Variants in CRTC1 observed in about 807,000 individuals in gnomAD.
CRTC1 encodes the protein CREB-regulated transcription coactivator 1.
A neutral mutation model predicts 66.1 loss-of-function variants in CRTC1; 18 were observed. That is an observed-to-expected ratio of 0.27 (90% CI 0.19 to 0.40). The LOEUF is 0.40. CRTC1 is among the 10% of genes least tolerant of loss of function. The probability of loss-of-function intolerance (pLI) is 1.00; values close to 1 mark genes in which losing one functional copy is unlikely to be tolerated. For missense variants in CRTC1, 669 were observed against 887.9 expected (o/e 0.75, Z 3.13); for synonymous variants, 416 against 398.8 (o/e 1.04, Z -0.51).
At chr19:18,689,398 C>T (rs1443180927) in intron 1 of CRTC1, among the ~76,000 whole-genome samples, 1 of 146,602 alleles carries the variant, frequency 6.8e-6, no homozygotes, top group Admixed American at 6.9e-5. Flanking sequence ...TAACTTGGAT[C>T]AGTGCTTCAT....
At chr19:18,757,899 T>C (rs1311481334) in intron 6 of CRTC1, among the ~76,000 whole-genome samples, 1 of 150,678 alleles carries the variant, frequency 6.6e-6, no homozygotes, top group East Asian at 2.0e-4. Context: ...GTGCCTGTAG[T>C]CCCAGCTACT....
At chr19:18,730,667 A>G (rs1046684269) in intron 1 of CRTC1, among the ~76,000 whole-genome samples, 7 of 151,478 alleles carry the variant, frequency 4.6e-5, no homozygotes, top group African/African-American at 1.5e-4. Flanking sequence ...CCCGCTGCCT[A>G]CCTCATCCTT....
rs1003956786 is a variant in CRTC1, at chr19:18,778,571, G to T, written c.*1189G>T. On this transcript the variant is annotated 3_prime_UTR_variant, in exon 14 of 14. Coordinates refer to ENST00000321949, the MANE Select transcript of CRTC1 (RefSeq NM_015321.3). ...TCAGGAGCTCACGGTAGGCAGAGGT[G>T]CCTCTGCCAGGGCCACAGAACAGAC... 5.2e-5 allele frequency: 12 copies of T among 231,078 alleles called. No homozygotes were observed. Among genetic ancestry groups the T allele is most frequent in the African/African-American group, 2.0e-4 (9 of 45,314 alleles). The allele number at this position is 231,078 out of a possible 1,614,324, so 14.3% of individuals were successfully genotyped here.
rs2054591963 is a variant in CRTC1 at position 18,760,614 on chromosome 19, C to T, written c.886+386C>T. On this transcript the variant is annotated intron_variant, in intron 8 of 13. Coordinates refer to ENST00000321949, the MANE Select transcript of CRTC1 (RefSeq NM_015321.3). This position sits in a 1 kb window ranked among gnomAD's most constrained non-coding sequence, Gnocchi z 6.2. ...GGCCTGACCTGCTTCCTCCACCCGA[C>T]ATCTGACAGTGACCACCTACTTGTC... 1.3e-5 allele frequency among the ~76,000 whole-genome samples: 2 copies of T among 151,896 alleles called. No individual in the cohort carries two copies. Among genetic ancestry groups the T allele is most frequent in the Admixed American group, 6.6e-5 (1 of 15,256 alleles).
intron 1 of CRTC1, among the ~76,000 whole-genome samples, chr19:18,726,385 C>T (rs940297899): frequency 2.0e-5 from 3 of 152,194 alleles, no homozygotes; most frequent in Non-Finnish European, 4.4e-5. Context: ...AGCCCTCAGG[C>T]GGCCAGCTAT....
intron 1 of CRTC1, among the ~76,000 whole-genome samples, chr19:18,733,635 T>C (rs528495439): frequency 6.6e-6 from 1 of 152,360 alleles, no homozygotes; most frequent in East Asian, 1.9e-4. Context: ...AGATGTTTAC[T>C]GAGGAACTCT....
At chr19:18,708,155 G>A (rs1194549745) in intron 1 of CRTC1, among the ~76,000 whole-genome samples, 2 of 152,182 alleles carry the variant, frequency 1.3e-5, no homozygotes, top group Non-Finnish European at 1.5e-5. Context: ...GCATATATGG[G>A]GCCCAGAGGC....
chr19:18,766,078 A>G (rs1686675688), intron 9 of CRTC1, among the ~76,000 whole-genome samples: 1 of 150,488 alleles, frequency 6.6e-6, no homozygotes, highest in South Asian at 2.1e-4. Flanking sequence ...CGTCTTTGCT[A>G]TCCAACTTGA....
At chr19:18,692,074 C>T (rs2052854982) in intron 1 of CRTC1, among the ~76,000 whole-genome samples, 1 of 152,128 alleles carries the variant, frequency 6.6e-6, no homozygotes, top group South Asian at 2.1e-4. Context: ...ACACTCCAAC[C>T]CCGACCCTGT....
chr19:18,743,114 T>A, intron 2 of CRTC1, 88 bp downstream of exon 2: 1 of 1,056,894 alleles, frequency 9.5e-7, no homozygotes, highest in Middle Eastern at 2.0e-4. Flanking sequence ...ACAGCTGGGG[T>A]TATCAGACAG....
chr19:18,742,189 C>T (rs2054126442), intron 1 of CRTC1, among the ~76,000 whole-genome samples: 1 of 152,156 alleles, frequency 6.6e-6, no homozygotes, highest in Admixed American at 6.5e-5. Flanking sequence ...CAGCTTCCAG[C>T]CCTGTTCAGA....
chr19:18,737,659 C>T (rs1436834420), intron 1 of CRTC1, among the ~76,000 whole-genome samples: 1 of 152,060 alleles, frequency 6.6e-6, no homozygotes, highest in Non-Finnish European at 1.5e-5. Context: ...TTGAGCCACG[C>T]ATGTCTACTC....
chr19:18,779,241 T>G lies in CRTC1; in HGVS notation c.*1859T>G, dbSNP rs1390073277. 4.3e-6 allele frequency: 1 copy of G among 230,694 alleles called. No individual in the cohort carries two copies. Among genetic ancestry groups the G allele is most frequent in the Non-Finnish European group, 8.6e-6 (1 of 116,578 alleles). 14.3% of individuals were successfully genotyped at this position (230,694 alleles called of 1,614,324 possible). ...GCACCCTGGCTTCTGTCCTCAGAGCTGGGTTTGATCCTAGCAACCATCCCT... is the reference window on the plus strand; with the variant it reads ...GCACCCTGGCTTCTGTCCTCAGAGCGGGGTTTGATCCTAGCAACCATCCCT... On this transcript the variant is annotated 3_prime_UTR_variant, in exon 14 of 14. Transcript: ENST00000321949.
rs369158148 is a variant in CRTC1 at position 18,775,696 on chromosome 19, C to G, written c.1568C>G (p.Pro523Arg). ...ATCAGCTCCAGCAGCCTGTACAGCC[C>G]GGGCTCCACACTCAACTACTCGCAG... is the stretch of plus-strand genomic sequence containing the variant. Reference protein sequence around the residue: ...NAISSSSLYSPGSTLNYSQAA... With the variant: ...NAISSSSLYSRGSTLNYSQAA... Residue 523 changes from proline to arginine, a missense_variant, in exon 13 of 14, where the codon CCG becomes CGG. This residue lies in a region of CRTC1 where 79 missense variants were observed against 100.1 expected (regional missense o/e 0.79). Coordinates refer to ENST00000321949, the MANE Select transcript of CRTC1 (RefSeq NM_015321.3). 4 of 1,612,572 alleles carry G rather than the reference C, an allele frequency of 2.5e-6. No homozygotes were observed. The highest frequency in any genetic ancestry group is 2.5e-6 in the Non-Finnish European group (3 of 1,179,744).
intron 3 of CRTC1, 118 bp downstream of exon 3, chr19:18,746,078 CAG>C (rs1481835230): frequency 1.5e-6 from 2 of 1,348,604 alleles, no homozygotes; most frequent in East Asian, 5.0e-5. Context: ...GGGACAGAAT[CAG>C]GGCAGCACCA....
At chr19:18,744,168 C>T (rs2054175636) in intron 2 of CRTC1, 1 of 1,610,334 alleles carries the variant, frequency 6.2e-7, no homozygotes, top group Admixed American at 1.7e-5. Flanking sequence ...AAATGAGCCC[C>T]CAGGCTGAGG....
intron 8 of CRTC1, among the ~76,000 whole-genome samples, chr19:18,762,992 T>A (rs900580368): frequency 1.3e-5 from 2 of 152,222 alleles, no homozygotes; most frequent in African/African-American, 4.8e-5. Flanking sequence ...GCAAACCACA[T>A]AATCGGCAGT....
rs2054585422 is a variant in CRTC1, at chr19:18,760,271, T to TG, written c.886+45dup. ...CGCCCTCGGACAGAGCACTGGCTTGTGGAGACAACACGGGCATCTGCAGGA... is the reference window on the plus strand; with the variant it reads ...CGCCCTCGGACAGAGCACTGGCTTGTGGGAGACAACACGGGCATCTGCAGGA... On this transcript the variant is annotated intron_variant, in intron 8 of 13. Coordinates refer to ENST00000321949, the MANE Select transcript of CRTC1 (RefSeq NM_015321.3). The surrounding 1 kb of genome is among the most constrained non-coding windows in gnomAD (Gnocchi z 6.2). 1.4e-6 allele frequency: 2 copies of TG among 1,454,882 alleles called. No homozygotes were observed. 90.1% of individuals were successfully genotyped at this position (1,454,882 alleles called of 1,614,324 possible). A position where few individuals can be genotyped will look rare whatever the true frequency, so the allele number is the denominator to read the frequency against.
intron 1 of CRTC1, 40 bp from the exon 2 acceptor site, chr19:18,742,870 G>C (rs2054140833): frequency 6.8e-7 from 1 of 1,471,298 alleles, no homozygotes; most frequent in East Asian, 2.3e-5. Context: ...GTGAGCCTGG[G>C]AGGTGACCCC....
Sources: allele counts gnomAD v4.1 joint callset (sites outside exome capture counted in the v4.1 genomes callset), GRCh38; gene constraint gnomAD v4.1.1; regional missense constraint gnomAD v4.1.1; non-coding constraint Gnocchi (gnomAD v3.1); transcripts MANE v1.5; gene names NCBI Gene and HGNC (gene_info 2026-07-23, HGNC 2026-07-21).